Variants in ACOT9 observed in about 807,000 individuals in gnomAD.
ACOT9 encodes acyl-coenzyme A thioesterase 9, mitochondrial.
ACOT9 carries 34 observed loss-of-function variants against 39.7 expected under a neutral mutation model. The ratio of observed to expected loss-of-function variants is 0.86; its 90% CI spans 0.65 to 1.14. ACOT9 has a LOEUF of 1.14. Ranked by LOEUF, ACOT9 falls within the 50% of genes most tolerant of loss-of-function variation. ACOT9 has a pLI of 0.00. For synonymous variants in ACOT9, 110 were observed against 120.5 expected, an observed-to-expected ratio of 0.91 and a Z score of 0.57; for missense variants, 313 against 344.1, an observed-to-expected ratio of 0.91 and a Z score of 0.71.
In ACOT9 at chrX:23,707,927, G is replaced by A. The variant is rs371687278; in HGVS notation, c.680C>T (p.Pro227Leu). Reference protein sequence around the residue: ...SENKGPAFVNPLIPESPEEEE... With the variant: ...SENKGPAFVNLLIPESPEEEE... The stretch of plus-strand genomic sequence containing the variant: ...TTCCTCTGGGCTTTCAGGGATGAGT[G>A]GATTTACAAATGCCGGCCTAAAAAG... The change falls in exon 10 of 16, where the codon CCA becomes CTA. Residue 227 changes from proline to leucine, a missense_variant. Transcript: ENST00000379303. 174 of 1,199,945 alleles carry A rather than the reference G, an allele frequency of 1.5e-4. No individual in the cohort carries two copies. The highest frequency in any genetic ancestry group is 9.8e-4 in the Middle Eastern group (4 of 4,077).
At position 23,742,209 on chromosome X, in the gene ACOT9, T is replaced by TGAGAGAGAGAGAGAGAGAGAGAGAGAGA. The variant is rs760648597; in HGVS notation, c.20+915_20+916insTCTCTCTCTCTCTCTCTCTCTCTCTCTC. Among the ~76,000 whole-genome samples the TGAGAGAGAGAGAGAGAGAGAGAGAGAGA allele has an allele frequency of 7.1e-4, 40 of 56,252 alleles. 2 individuals are homozygous for TGAGAGAGAGAGAGAGAGAGAGAGAGAGA. Among genetic ancestry groups the TGAGAGAGAGAGAGAGAGAGAGAGAGAGA allele is most frequent in the African/African-American group, 1.4e-3 (11 of 7,964 alleles). The allele number at this position is 56,252 out of a possible 115,157, so 48.8% of individuals were successfully genotyped here. A position where few individuals can be genotyped will look rare whatever the true frequency, so the allele number is the denominator to read the frequency against. ...TAACAAAGTCCCCAGGAACAGTGAG[T>TGAGAGAGAGAGAGAGAGAGAGAGAGAGA]GAGTGAGAGAGAGAGAGAGAGAGAG... On this transcript the variant is annotated intron_variant, in intron 1 of 15. Coordinates refer to ENST00000379303, the MANE Select transcript of ACOT9 (RefSeq NM_001037171.2).
chrX:23,731,211 C>G (rs1040150584), intron 4 of ACOT9, among the ~76,000 whole-genome samples: 1 of 112,352 alleles, frequency 8.9e-6, no homozygotes. Context: ...TGCAGTGTCT[C>G]ACGCCTGTAA....
intron 6 of ACOT9, among the ~76,000 whole-genome samples, chrX:23,723,706 G>A (rs987520337): frequency 1.8e-5 from 2 of 110,037 alleles, no homozygotes; most frequent in African/African-American, 3.3e-5. Flanking sequence ...GACAAGATAT[G>A]TGGCTCAATA....
intron 8 of ACOT9, among the ~76,000 whole-genome samples, chrX:23,714,375 A>C (rs1237028141): frequency 9.0e-6 from 1 of 111,551 alleles, no homozygotes; most frequent in Non-Finnish European, 1.9e-5. Flanking sequence ...GGGTTAAGTT[A>C]AATACAGGTT....
At chrX:23,705,395 A>G (rs1928640575) in intron 13 of ACOT9, 114 bp downstream of exon 13, 11 of 595,163 alleles carry the variant, frequency 1.8e-5, no homozygotes, top group Non-Finnish European at 2.5e-5. Flanking sequence ...TGTGGTATTC[A>G]TTCAAAAACA....
intron 10 of ACOT9, 101 bp from the exon 11 acceptor site, chrX:23,706,840 C>A: frequency 2.1e-6 from 1 of 477,802 alleles, no homozygotes; most frequent in Non-Finnish European, 3.6e-6. Flanking sequence ...GAAAATTATA[C>A]ACGTATCCAA....
At chrX:23,741,917 C>A (rs768971683) in intron 1 of ACOT9, among the ~76,000 whole-genome samples, 42 of 110,736 alleles carry the variant, frequency 3.8e-4, no homozygotes, top group Non-Finnish European at 7.5e-4. Flanking sequence ...TCAAGTGATC[C>A]ATCCACCTCA....
At position 23,730,810 on chromosome X, in the gene ACOT9, T is replaced by C. The variant is rs762797305; in HGVS notation, c.362+6A>G. The C allele has an allele frequency of 4.2e-6, 5 of 1,190,616 alleles. No individual in the cohort carries two copies. The highest frequency in any genetic ancestry group is 5.7e-6 in the Non-Finnish European group (5 of 884,850). On this transcript the variant is annotated splice_donor_region_variant and intron_variant, in intron 5 of 15. Coordinates refer to ENST00000379303, the MANE Select transcript of ACOT9 (RefSeq NM_001037171.2). ...AAACAAATACATAAAAATAGCACTG[T>C]GTTACCTTACGGTGTTTTGAACAGT...
intron 6 of ACOT9, among the ~76,000 whole-genome samples, chrX:23,724,307 T>C (rs1929427481): frequency 9.0e-6 from 1 of 111,275 alleles, no homozygotes; most frequent in South Asian, 3.8e-4. Context: ...CCATTTTCAA[T>C]GCGTTGAATT....
intron 8 of ACOT9, among the ~76,000 whole-genome samples, chrX:23,715,832 G>A (rs1929055557): frequency 8.9e-6 from 1 of 112,017 alleles, no homozygotes; most frequent in African/African-American, 3.2e-5. Context: ...GAATGAAGGA[G>A]GCAGGTTCTA....
intron 1 of ACOT9, among the ~76,000 whole-genome samples, chrX:23,742,139 GTTTGTT>G (rs1407348430): frequency 3.7e-5 from 4 of 106,823 alleles, no homozygotes; most frequent in African/African-American, 1.4e-4. Flanking sequence ...AAGGTTTTTT[GTTTGTT>G]TTTAAGTACT....
chrX:23,736,309 A>G (rs2146857422), intron 1 of ACOT9, among the ~76,000 whole-genome samples: 1 of 112,498 alleles, frequency 8.9e-6, no homozygotes, highest in African/African-American at 3.2e-5. Context: ...TTTCTATTTT[A>G]TTAGTTTCAG....
intron 1 of ACOT9, among the ~76,000 whole-genome samples, chrX:23,741,102 C>T (rs1223757613): frequency 9.2e-6 from 1 of 108,125 alleles, no homozygotes; most frequent in Non-Finnish European, 1.9e-5. Context: ...GCACATGTAC[C>T]CTAAACTTAA....
At chrX:23,732,751 C>G (rs1387358169) in intron 4 of ACOT9, among the ~76,000 whole-genome samples, 1 of 110,855 alleles carries the variant, frequency 9.0e-6, no homozygotes. Flanking sequence ...TTTGAACTGA[C>G]AAGAAGCAAT....
chrX:23,733,577 C>A (rs1022975574), intron 3 of ACOT9, among the ~76,000 whole-genome samples: 1 of 111,605 alleles, frequency 9.0e-6, no homozygotes, highest in African/African-American at 3.3e-5. Context: ...TCCCACCTAT[C>A]TTCTTTTTTG....
intron 1 of ACOT9, among the ~76,000 whole-genome samples, chrX:23,742,074 G>T (rs1022612791): frequency 9.0e-5 from 10 of 111,039 alleles, no homozygotes. Context: ...GCAAGCTAAA[G>T]TCAACTGTGG....
At chrX:23,737,364 A>T (rs964874929) in intron 1 of ACOT9, among the ~76,000 whole-genome samples, 3 of 111,573 alleles carry the variant, frequency 2.7e-5, no homozygotes, top group Middle Eastern at 4.6e-3. Context: ...AGAACCCCAG[A>T]TACTGTCACT....
At chrX:23,720,980 G>A (rs5925881) in intron 8 of ACOT9, among the ~76,000 whole-genome samples, 17,845 of 111,345 alleles carry the variant, frequency 0.16, 1,318 homozygotes, top group Non-Finnish European at 0.22. Context: ...AGCCATGCCT[G>A]TAATCCCAGC....
At chrX:23,732,394 G>A (rs781553407) in intron 4 of ACOT9, among the ~76,000 whole-genome samples, 16 of 111,906 alleles carry the variant, frequency 1.4e-4, no homozygotes, top group African/African-American at 4.5e-4. Flanking sequence ...GAAGATGCAC[G>A]CTGAAGTGTC....
Sources: gnomAD v4.1 joint callset for allele counts (sites outside exome capture counted in the v4.1 genomes callset) on GRCh38, gnomAD v4.1.1 for gene constraint, MANE v1.5 for transcripts, NCBI Gene and HGNC (gene_info 2026-07-23, HGNC 2026-07-21) for gene names.